The following PCNX2 variants were observed in gnomAD, a reference collection of about 807,000 sequenced individuals.
The protein encoded by PCNX2 is pecanex 2.
Under a neutral mutation model 223.8 loss-of-function variants are expected in PCNX2, and 168 were observed. That is an observed-to-expected ratio of 0.75 (90% CI 0.66 to 0.85). PCNX2 has a LOEUF of 0.85. Ranked by LOEUF, PCNX2 falls within the 40% of genes least tolerant of loss-of-function variation. PCNX2 has a pLI of 0.00. For missense variants in PCNX2, 2,507 were observed against 2,675.5 expected (o/e 0.94, Z 1.39); for synonymous variants, 1,006 against 1,052.6 (o/e 0.96, Z 0.86).
intron 19 of PCNX2, among the ~76,000 whole-genome samples, chr1:233,146,411 TAAAA>T (rs1161854838): frequency 6.6e-6 from 1 of 152,148 alleles, no homozygotes; most frequent in Non-Finnish European, 1.5e-5. Context: ...GATTATGAAA[TAAAA>T]AAAGTAACTA....
intron 21 of PCNX2, among the ~76,000 whole-genome samples, chr1:233,111,124 A>G (rs879277697): frequency 9.2e-5 from 14 of 152,118 alleles, no homozygotes; most frequent in Admixed American, 3.9e-4. Flanking sequence ...TATCACACGG[A>G]AAGTCGTACA....
intron 22 of PCNX2, among the ~76,000 whole-genome samples, chr1:233,093,664 G>A (rs1011221831): frequency 3.3e-5 from 5 of 152,052 alleles, no homozygotes; most frequent in South Asian, 2.1e-4. Flanking sequence ...CCATGGGTAC[G>A]GGGGAGAGGG....
the PCNX2 span, among the ~76,000 whole-genome samples, chr1:233,301,468 C>T: frequency 6.6e-6 from 1 of 152,278 alleles, no homozygotes; most frequent in African/African-American, 2.4e-5. Flanking sequence ...CAGATAAAGA[C>T]ATGACAGGAA....
At chr1:233,120,811 A>G (rs1391586907) in intron 21 of PCNX2, among the ~76,000 whole-genome samples, 1 of 152,198 alleles carries the variant, frequency 6.6e-6, no homozygotes, top group Non-Finnish European at 1.5e-5. Context: ...TACACAAATT[A>G]AGAAACAAAG....
chr1:233,214,968 C>T (rs1432035888), intron 12 of PCNX2, among the ~76,000 whole-genome samples: 3 of 152,054 alleles, frequency 2.0e-5, no homozygotes, highest in African/African-American at 7.2e-5. Context: ...CTTAGAAGCA[C>T]GCAAAAAAGA....
intron 24 of PCNX2, chr1:233,054,744 T>C: frequency 3.7e-6 from 1 of 266,930 alleles, no homozygotes; most frequent in Non-Finnish European, 7.0e-6. Context: ...ATACAAACAA[T>C]CATTGCTAGT....
At chr1:233,114,116 A>C (rs1445875975) in intron 21 of PCNX2, among the ~76,000 whole-genome samples, 19 of 152,218 alleles carry the variant, frequency 1.2e-4, no homozygotes, top group Non-Finnish European at 2.8e-4. Flanking sequence ...CGGCTATGAC[A>C]AAAAGGTAAA....
intron 1 of PCNX2, among the ~76,000 whole-genome samples, chr1:233,276,651 G>A (rs756848771): frequency 2.2e-4 from 33 of 152,170 alleles, no homozygotes; most frequent in Admixed American, 3.9e-4. Context: ...GAGAGCTCGC[G>A]ATTTCCCTTC....
At position 233,095,874 on chromosome 1, in the gene PCNX2, A is replaced by G. The variant is rs1674133220; in HGVS notation, c.3838-11T>C. On this transcript the variant is annotated splice_polypyrimidine_tract_variant and intron_variant, in intron 21 of 33. Transcript: ENST00000258229. Reference sequence around the variant, plus strand: ...AAGCAGGTCCCCGAGCTGAAAGTAAAAGAAAAAAAATTCATCAGAGAGGAC... The same window carrying G: ...AAGCAGGTCCCCGAGCTGAAAGTAAGAGAAAAAAAATTCATCAGAGAGGAC... 2 of 1,574,262 alleles carry G rather than the reference A, an allele frequency of 1.3e-6. No homozygotes were observed. Among genetic ancestry groups the G allele is most frequent in the African/African-American group, 1.4e-5 (1 of 73,828 alleles).
intron 1 of PCNX2, among the ~76,000 whole-genome samples, chr1:233,294,814 C>T (rs1341741033): frequency 1.3e-5 from 2 of 149,352 alleles, no homozygotes; most frequent in East Asian, 2.0e-4. Flanking sequence ...GATTTCTATA[C>T]ATAGTGGTGT....
chr1:233,127,923 A>G (rs1465711275), intron 21 of PCNX2, among the ~76,000 whole-genome samples: 3 of 152,202 alleles, frequency 2.0e-5, no homozygotes, highest in Admixed American at 6.5e-5. Flanking sequence ...TGAACAAAGT[A>G]TTTTGAACAA....
At chr1:233,208,915 C>CA (rs969230387) in intron 12 of PCNX2, among the ~76,000 whole-genome samples, 39 of 135,278 alleles carry the variant, frequency 2.9e-4, no homozygotes, top group Admixed American at 8.2e-4. Flanking sequence ...ATGAGACTAT[C>CA]AAAAAAAAAA....
rs1676100942 is a variant in PCNX2 at position 233,126,460 on chromosome 1, A to G, written c.3837+8553T>C. Among the ~76,000 whole-genome samples, 1 of 152,146 alleles carries G rather than the reference A, an allele frequency of 6.6e-6. No individual in the cohort carries two copies. The highest frequency in any genetic ancestry group is 1.5e-5 in the Non-Finnish European group (1 of 68,022). The stretch of plus-strand genomic sequence containing the variant: ...TATTTTAAGCAAAAATGGAGGTAAA[A>G]GGCAGGTACAGAATGAACCTATTGA... On this transcript the variant is annotated intron_variant, in intron 21 of 33. Transcript: ENST00000258229. The surrounding 1 kb of genome is among the most constrained non-coding windows in gnomAD (Gnocchi z 4.8).
At chr1:233,065,808 C>T (rs931193023) in intron 23 of PCNX2, 2 of 152,154 alleles carry the variant, frequency 1.3e-5, no homozygotes, top group African/African-American at 2.4e-5. Context: ...AAACCATAGC[C>T]CTATGCCTAT....
the PCNX2 span, among the ~76,000 whole-genome samples, chr1:233,301,050 G>T: frequency 0.66 from 99,834 of 152,046 alleles, 33,121 homozygotes; most frequent in East Asian, 0.72. Flanking sequence ...AGAAGTGAAA[G>T]AGAGATTTAT....
intron 23 of PCNX2, among the ~76,000 whole-genome samples, chr1:233,081,022 A>T (rs961394165): frequency 1.3e-5 from 2 of 152,178 alleles, no homozygotes; most frequent in Non-Finnish European, 2.9e-5. Flanking sequence ...CATAGCCTCA[A>T]ATAGGGATTT....
chr1:233,089,011 G>T (rs1673740771), intron 23 of PCNX2, among the ~76,000 whole-genome samples: 1 of 152,212 alleles, frequency 6.6e-6, no homozygotes, highest in South Asian at 2.1e-4. Flanking sequence ...GATGAGGTGT[G>T]AACTCAGGCA....
chr1:233,057,822 T>G, intron 23 of PCNX2: 1 of 959,336 alleles, frequency 1.0e-6, no homozygotes, highest in Non-Finnish European at 1.2e-6. Flanking sequence ...ATTGCACCAC[T>G]GCACTCCAAC....
At chr1:233,269,150 T>G (rs1660502640) in intron 1 of PCNX2, among the ~76,000 whole-genome samples, 1 of 152,246 alleles carries the variant, frequency 6.6e-6, no homozygotes, top group African/African-American at 2.4e-5. Context: ...TTTGTCTCCC[T>G]TAAGTGCCTC....
Sources: gnomAD v4.1 joint callset for allele counts (sites outside exome capture counted in the v4.1 genomes callset) on GRCh38, gnomAD v4.1.1 for gene constraint, Gnocchi (gnomAD v3.1) non-coding constraint, MANE v1.5 for transcripts, NCBI Gene and HGNC (gene_info 2026-07-23, HGNC 2026-07-21) for gene names.